GRID1: variants seen among roughly 807,000 people sequenced by gnomAD.
GRID1 encodes glutamate ionotropic receptor delta type subunit 1.
In GRID1, 28 loss-of-function variants were observed where a neutral mutation model predicts 98.0. The observed-to-expected ratio is 0.29, with a 90% CI of 0.21 to 0.39. GRID1 has a LOEUF of 0.39. Among genes scored for constraint, GRID1 ranks in the 10% least tolerant of loss-of-function variants. The pLI is 1.00. For synonymous variants in GRID1, 553 were observed against 538.5 expected (o/e 1.03, Z -0.37); for missense variants, 1,111 against 1,340.5 (o/e 0.83, Z 2.67).
Position 85,632,906 on chromosome 10 carries a change from T to A in GRID1, c.2194-12873A>T, listed in dbSNP as rs774073788. ...CCATCCCCCAATAGGCCCCAGTGTG[T>A]GTTGTTCCCTTCCCTGTGTCCATGT... is the stretch of plus-strand genomic sequence containing the variant. On this transcript the variant is annotated intron_variant, in intron 13 of 15. Coordinates refer to ENST00000327946, the MANE Select transcript of GRID1 (RefSeq NM_017551.3). Among the ~76,000 whole-genome samples the A allele has an allele frequency of 9.2e-5, 14 of 152,156 alleles. 1 individual carries two copies. Among genetic ancestry groups the A allele is most frequent in the Non-Finnish European group, 1.8e-4 (12 of 68,024 alleles).
intron 6 of GRID1, among the ~76,000 whole-genome samples, chr10:85,863,746 C>T (rs1009179826): frequency 2.0e-5 from 3 of 152,240 alleles, no homozygotes; most frequent in South Asian, 2.1e-4. Context: ...GTGTGCCTGC[C>T]GGGTGGCCAG....
intron 5 of GRID1, among the ~76,000 whole-genome samples, chr10:85,895,665 C>T (rs1247693495): frequency 3.9e-5 from 6 of 152,182 alleles, no homozygotes; most frequent in Non-Finnish European, 7.3e-5. Flanking sequence ...GTTAACAGAA[C>T]CCATCTTCCT....
At position 85,916,073 on chromosome 10, in the gene GRID1, G is replaced by A. The variant is rs1841615572; in HGVS notation, c.780+113C>T. On this transcript the variant is annotated intron_variant, in intron 5 of 15. Coordinates refer to ENST00000327946, the MANE Select transcript of GRID1 (RefSeq NM_017551.3). This position sits in a 1 kb window ranked among gnomAD's most constrained non-coding sequence, Gnocchi z 4.0. ...TTTGCCTGGGCTAGGTGGAGCCCCA[G>A]GATTCACAACAGCCCCCTAAGTCAG... The A allele has an allele frequency of 6.1e-6, 5 of 822,864 alleles. No homozygotes were observed. The highest frequency in any genetic ancestry group is 1.0e-5 in the Non-Finnish European group (5 of 495,160). The allele number at this position is 822,864 out of a possible 1,614,324, so 51.0% of individuals were successfully genotyped here. A position where few individuals can be genotyped will look rare whatever the true frequency, so the allele number is the denominator to read the frequency against.
At chr10:85,715,775 C>T (rs550669439) in intron 12 of GRID1, among the ~76,000 whole-genome samples, 23 of 152,178 alleles carry the variant, frequency 1.5e-4, no homozygotes, top group Non-Finnish European at 2.8e-4. Context: ...TATAGAAGTA[C>T]CGTATGATCC....
intron 4 of GRID1, among the ~76,000 whole-genome samples, chr10:86,100,899 G>A (rs1163574667): frequency 6.6e-6 from 1 of 152,158 alleles, no homozygotes; most frequent in Non-Finnish European, 1.5e-5. Context: ...GCCCAGCCTG[G>A]ATGAGGCACC....
chr10:85,869,354 C>T (rs540703969), intron 5 of GRID1, among the ~76,000 whole-genome samples, 174 bp from the exon 6 acceptor site: 2 of 152,132 alleles, frequency 1.3e-5, no homozygotes, highest in Non-Finnish European at 2.9e-5. Flanking sequence ...ACTTGCTATC[C>T]CTTAGAGGCA....
chr10:86,145,697 A>G lies in GRID1; in HGVS notation c.521-6673T>C, dbSNP rs139485069. 8.4e-4 allele frequency among the ~76,000 whole-genome samples: 128 copies of G among 152,326 alleles called. 1 individual carries two copies. The highest frequency in any genetic ancestry group is 6.8e-3 in the Middle Eastern group (2 of 294). ...AAGTTGAAATTCATGCCCCCTTCAA[A>G]TTTAATAATATTAAACAATATTAAT... On this transcript the variant is annotated intron_variant, in intron 3 of 15. Coordinates refer to ENST00000327946, the MANE Select transcript of GRID1 (RefSeq NM_017551.3).
chr10:85,657,631 A>G (rs1840915744), intron 12 of GRID1, among the ~76,000 whole-genome samples: 1 of 152,176 alleles, frequency 6.6e-6, no homozygotes, highest in Non-Finnish European at 1.5e-5. Flanking sequence ...AAGCAGGCCT[A>G]GTAATAGTTT....
At chr10:85,682,871 G>C (rs1841226302) in intron 12 of GRID1, among the ~76,000 whole-genome samples, 2 of 152,210 alleles carry the variant, frequency 1.3e-5, no homozygotes, top group African/African-American at 2.4e-5. Context: ...ATCCTCTTTA[G>C]ATGTGCAAGA....
chr10:85,985,665 G>A (rs776867257), intron 4 of GRID1, among the ~76,000 whole-genome samples: 5 of 152,196 alleles, frequency 3.3e-5, no homozygotes, highest in South Asian at 2.1e-4. Context: ...TCACCTCCTG[G>A]TTGGGCAGCT....
Position 85,613,496 on chromosome 10 carries a change from G to A in GRID1, c.2512C>T (p.Leu838=), listed in dbSNP as rs1419611158. 5.0e-6 allele frequency: 8 copies of A among 1,614,174 alleles called. No individual in the cohort carries two copies. The highest frequency in any genetic ancestry group is 6.8e-6 in the Non-Finnish European group (8 of 1,180,034). ...LHSFAGVFCI[L]AIGLLLACLV... ...CAGGCCAGGAGCAGGCCAATGGCCA[G>A]GATGCAGAAGACCCCGGCGAAGCTG... Residue 838 remains leucine (L), a synonymous_variant, in exon 15 of 16, where the codon CTG becomes TTG. Coordinates refer to ENST00000327946, the MANE Select transcript of GRID1 (RefSeq NM_017551.3).
At chr10:85,836,653 G>A (rs1204374325) in intron 8 of GRID1, among the ~76,000 whole-genome samples, 3 of 152,154 alleles carry the variant, frequency 2.0e-5, no homozygotes, top group Non-Finnish European at 4.4e-5. Context: ...CAGCTGTAGT[G>A]GAGCATGGCC....
chr10:85,694,322 A>G (rs1023047355), intron 12 of GRID1, among the ~76,000 whole-genome samples: 1 of 151,982 alleles, frequency 6.6e-6, no homozygotes, highest in African/African-American at 2.4e-5. Flanking sequence ...CACTGTTGGA[A>G]GGAATGTAAA....
chr10:85,761,822 A>AAC (rs1228988359), intron 8 of GRID1, among the ~76,000 whole-genome samples: 1 of 151,902 alleles, frequency 6.6e-6, no homozygotes, highest in Admixed American at 6.6e-5. Flanking sequence ...CACCCCCCAA[A>AAC]ACACACACAC....
chr10:86,238,856 C>A (rs1846582236), intron 2 of GRID1, among the ~76,000 whole-genome samples: 1 of 152,158 alleles, frequency 6.6e-6, no homozygotes, highest in Admixed American at 6.5e-5. Context: ...GATGTCCAGG[C>A]AGAAGTCTGC....
At chr10:86,062,566 G>A (rs1228713765) in intron 4 of GRID1, among the ~76,000 whole-genome samples, 1 of 152,098 alleles carries the variant, frequency 6.6e-6, no homozygotes, top group Non-Finnish European at 1.5e-5. Context: ...GCCTGCCCTA[G>A]ACAAATGCCT....
intron 4 of GRID1, among the ~76,000 whole-genome samples, chr10:86,090,224 C>T (rs1210886883): frequency 5.9e-5 from 9 of 151,338 alleles, no homozygotes; most frequent in Non-Finnish European, 1.3e-4. Flanking sequence ...TCAAGACCAG[C>T]CTGGGCAACA....
intron 2 of GRID1, among the ~76,000 whole-genome samples, chr10:86,229,438 A>C (rs1846413102): frequency 1.3e-5 from 2 of 152,216 alleles, no homozygotes; most frequent in Non-Finnish European, 2.9e-5. Context: ...CTCTGTGCCT[A>C]ATTTCCTCAT....
intron 12 of GRID1, among the ~76,000 whole-genome samples, chr10:85,705,882 G>A (rs1391629811): frequency 1.3e-5 from 2 of 152,172 alleles, no homozygotes; most frequent in Admixed American, 1.3e-4. Flanking sequence ...CCCAATAGAT[G>A]CAGAAAAGGC....
Sources: allele counts gnomAD v4.1 joint callset (sites outside exome capture counted in the v4.1 genomes callset), GRCh38; gene constraint gnomAD v4.1.1; non-coding constraint Gnocchi (gnomAD v3.1); transcripts MANE v1.5; gene names NCBI Gene and HGNC (gene_info 2026-07-23, HGNC 2026-07-21).